The following BCL7A variants were observed in gnomAD, a reference collection of about 807,000 sequenced individuals.
BCL7A encodes BAF chromatin remodeling complex subunit BCL7A, also known as B-cell CLL/lymphoma 7 protein family member A.
In BCL7A, 11 loss-of-function variants were observed where a neutral mutation model predicts 28.4. The observed-to-expected ratio is 0.39, with a 90% CI of 0.24 to 0.64. The LOEUF (loss-of-function observed/expected upper bound fraction) is 0.64, where lower values mean the gene tolerates loss of function less well. Ranked by LOEUF, BCL7A falls within the 30% of genes least tolerant of loss-of-function variation. The pLI is 0.50. For synonymous variants in BCL7A, 123 were observed against 103.3 expected (o/e 1.19, Z -1.15); for missense variants, 222 against 274.8 (o/e 0.81, Z 1.36).
intron 1 of BCL7A, among the ~76,000 whole-genome samples, chr12:122,026,036 G>A (rs1030437998): frequency 3.3e-5 from 5 of 151,480 alleles, no homozygotes; most frequent in African/African-American, 7.3e-5. Context: ...TTAGGAGGCC[G>A]AGGAGGGAGG....
intron 3 of BCL7A, among the ~76,000 whole-genome samples, chr12:122,041,065 G>T (rs1027256180): frequency 6.6e-6 from 1 of 151,778 alleles, no homozygotes; most frequent in African/African-American, 2.4e-5. Context: ...GGATGCTTTT[G>T]TGTAACGAGC....
chr12:122,022,303 C>G (rs1883481762), intron 1 of BCL7A, 120 bp downstream of exon 1: 1 of 505,410 alleles, frequency 2.0e-6, no homozygotes, highest in Admixed American at 6.8e-5. Flanking sequence ...CGCCGCGGGC[C>G]CCGGGACTTG....
intron 1 of BCL7A, among the ~76,000 whole-genome samples, chr12:122,028,412 C>CTT (rs79495913): frequency 6.9e-6 from 1 of 145,006 alleles, no homozygotes; most frequent in South Asian, 2.2e-4. Flanking sequence ...AAGTCAATTA[C>CTT]TTTTTTTTTT....
Position 122,021,988 on chromosome 12 carries a change from G to A in BCL7A, c.-104G>A. The A allele has an allele frequency of 1.1e-6, 1 of 878,874 alleles. No individual in the cohort carries two copies. Among genetic ancestry groups the A allele is most frequent in the Non-Finnish European group, 1.8e-6 (1 of 565,774 alleles). 54.4% of individuals were successfully genotyped at this position (878,874 alleles called of 1,614,324 possible). ...TGTGCGTGTGAGAGTGCGAGTGTCT[G>A]TGCGCGAGTGAGTGAGCGGCGGGCG... On this transcript the variant is annotated 5_prime_UTR_variant, in exon 1 of 6. It adds an upstream start codon to the 5' untranslated region. Coordinates refer to ENST00000261822, the MANE Select transcript of BCL7A (RefSeq NM_001024808.3).
intron 4 of BCL7A, among the ~76,000 whole-genome samples, chr12:122,047,937 CTT>C: frequency 9.1e-6 from 1 of 110,220 alleles, no homozygotes. Flanking sequence ...GAGTTTCGCT[CTT>C]GTTGCCCAGG....
intron 2 of BCL7A, 85 bp downstream of exon 2, chr12:122,030,866 C>T (rs1340027260): frequency 2.9e-6 from 4 of 1,388,504 alleles, no homozygotes; most frequent in Non-Finnish European, 1.0e-6. Context: ...CACTGCTACC[C>T]ACCGTGCTGG....
intron 3 of BCL7A, among the ~76,000 whole-genome samples, chr12:122,042,374 G>A (rs1565939200): frequency 6.6e-6 from 1 of 151,960 alleles, no homozygotes; most frequent in African/African-American, 2.4e-5. Flanking sequence ...ACAGCTAGTG[G>A]CCGGGTGTGA....
chr12:122,024,390 A>C (rs1883564586), intron 1 of BCL7A, among the ~76,000 whole-genome samples: 1 of 150,816 alleles, frequency 6.6e-6, no homozygotes, highest in Admixed American at 6.6e-5. Context: ...CCCTGGGCGC[A>C]GGAGGAGCTG....
chr12:122,058,534 C>T (rs535681855), intron 5 of BCL7A, among the ~76,000 whole-genome samples: 5 of 152,246 alleles, frequency 3.3e-5, no homozygotes, highest in African/African-American at 1.2e-4. Context: ...TGGCGCGTGC[C>T]TGTAATCACA....
chr12:122,030,800 TC>T lies in BCL7A; in HGVS notation c.174+23del, dbSNP rs1488781175. ...TGATGACGTGAGTATGGAGGGCTGG[TC>T]CCCTGGGGTGGGCCACCCATTCGTG... On this transcript the variant is annotated intron_variant, in intron 2 of 5. Coordinates refer to ENST00000261822, the MANE Select transcript of BCL7A (RefSeq NM_001024808.3). 4 of 1,609,758 alleles carry T rather than the reference TC, an allele frequency of 2.5e-6. No individual in the cohort carries two copies. In the African/African-American group the frequency reaches 5.4e-5, roughly 22 times the overall value.
intron 3 of BCL7A, among the ~76,000 whole-genome samples, chr12:122,042,065 A>G (rs1883974003): frequency 6.6e-6 from 1 of 152,080 alleles, no homozygotes; most frequent in Non-Finnish European, 1.5e-5. Flanking sequence ...GACAGACTCC[A>G]TCTCAAAAAA....
rs985397873 is a variant in BCL7A, at chr12:122,052,874, G to T, written c.440-1931G>T. Among the ~76,000 whole-genome samples the T allele has an allele frequency of 1.6e-4, 22 of 141,748 alleles. 1 individual carries two copies. Among genetic ancestry groups the T allele is most frequent in the South Asian group, 5.3e-4 (2 of 3,758 alleles). The allele number at this position is 141,748 out of a possible 152,430, so 93.0% of individuals were successfully genotyped here. On this transcript the variant is annotated intron_variant, in intron 4 of 5. Coordinates refer to ENST00000261822, the MANE Select transcript of BCL7A (RefSeq NM_001024808.3). Reference sequence around the variant, plus strand: ...ACTTTTGTATTTTTTTAGTCGGGGGGGGGGGGGGGTTTGCCATGTTGGCCA... The same window carrying T: ...ACTTTTGTATTTTTTTAGTCGGGGGTGGGGGGGGGTTTGCCATGTTGGCCA...
At chr12:122,024,352 T>A (rs539822157) in intron 1 of BCL7A, among the ~76,000 whole-genome samples, 2 of 152,332 alleles carry the variant, frequency 1.3e-5, no homozygotes, top group Non-Finnish European at 2.9e-5. Flanking sequence ...TTGAGGACGA[T>A]TGAGGTCATG....
chr12:122,055,219 G>A (rs1951868862), intron 5 of BCL7A, among the ~76,000 whole-genome samples: 1 of 152,206 alleles, frequency 6.6e-6, no homozygotes, highest in Non-Finnish European at 1.5e-5. Flanking sequence ...GTCTGTTCAG[G>A]TTCACACAGG....
At chr12:122,023,387 T>G (rs1883521082) in intron 1 of BCL7A, among the ~76,000 whole-genome samples, 1 of 152,228 alleles carries the variant, frequency 6.6e-6, no homozygotes, top group East Asian at 1.9e-4. Flanking sequence ...AGGGGATGTT[T>G]ACGTTTGGGG....
At chr12:122,044,197 G>T in intron 4 of BCL7A, 144 bp downstream of exon 4, 1 of 947,420 alleles carries the variant, frequency 1.1e-6, no homozygotes, top group East Asian at 2.8e-5. Context: ...GGAGTACATG[G>T]TCTCGTGGGG....
At chr12:122,050,606 C>G (rs73217765) in intron 4 of BCL7A, among the ~76,000 whole-genome samples, 2,570 of 152,278 alleles carry the variant, frequency 0.017, 29 homozygotes, top group Non-Finnish European at 0.027. Flanking sequence ...GGGACACTCA[C>G]CAGCTGTGTG....
In BCL7A at chr12:122,060,276, G is replaced by T. The variant is rs1478662283; in HGVS notation, c.*1113G>T. On this transcript the variant is annotated 3_prime_UTR_variant, in exon 6 of 6. Transcript: ENST00000261822. The stretch of plus-strand genomic sequence containing the variant: ...CCACGTGCTTTCCTATTCTCAGGCT[G>T]TTCTGACTCTGAGCCAACAGCTGGA... The T allele has an allele frequency of 8.6e-6, 2 of 232,922 alleles. No individual in the cohort carries two copies. The highest frequency in any genetic ancestry group is 1.7e-5 in the Non-Finnish European group (2 of 117,672). The allele number at this position is 232,922 out of a possible 1,614,324, so 14.4% of individuals were successfully genotyped here.
At chr12:122,026,266 CAAA>C (rs78577517) in intron 1 of BCL7A, among the ~76,000 whole-genome samples, 1 of 49,450 alleles carries the variant, frequency 2.0e-5, no homozygotes. Context: ...GACTCCGTCT[CAAA>C]AAAAAAAAAA....
Sources: gnomAD v4.1 joint callset for allele counts (sites outside exome capture counted in the v4.1 genomes callset) on GRCh38, gnomAD v4.1.1 for gene constraint, MANE v1.5 for transcripts, NCBI Gene and HGNC (gene_info 2026-07-23, HGNC 2026-07-21) for gene names.